Variants in NECAB1 observed in about 807,000 individuals in gnomAD.
NECAB1 encodes the protein N-terminal EF-hand calcium binding protein 1, also known as N-terminal EF-hand calcium-binding protein 1.
In NECAB1, 29 loss-of-function variants were observed where a neutral mutation model predicts 57.5. The ratio of observed to expected loss-of-function variants is 0.50; its 90% CI spans 0.38 to 0.69. The LOEUF (loss-of-function observed/expected upper bound fraction) is 0.69, where lower values mean the gene tolerates loss of function less well. Ranked by LOEUF, NECAB1 falls within the 30% of genes least tolerant of loss-of-function variation. The pLI is 0.00. For synonymous variants in NECAB1, 142 were observed against 147.7 expected (o/e 0.96, Z 0.28); for missense variants, 372 against 413.8 (o/e 0.90, Z 0.88).
chr8:90,820,084 G>C (rs1452473431), intron 2 of NECAB1, among the ~76,000 whole-genome samples: 1 of 151,844 alleles, frequency 6.6e-6, no homozygotes, highest in South Asian at 2.1e-4. Flanking sequence ...CCATTAAAGG[G>C]TCCCTCTCAG....
At chr8:90,931,906 A>AAAAAT (rs10635579) in intron 8 of NECAB1, among the ~76,000 whole-genome samples, 16,101 of 151,448 alleles carry the variant, frequency 0.11, 1,014 homozygotes, top group African/African-American at 0.18. Flanking sequence ...TCCATCTCAA[A>AAAAAT]AAAATAAAAT....
At chr8:90,803,388 A>T (rs899974537) in intron 2 of NECAB1, among the ~76,000 whole-genome samples, 2 of 151,742 alleles carry the variant, frequency 1.3e-5, no homozygotes, top group Admixed American at 1.3e-4. Context: ...CTCCCTCTCC[A>T]CCCAAGCTCC....
chr8:90,809,792 T>G (rs1811920855), intron 2 of NECAB1, among the ~76,000 whole-genome samples: 1 of 152,208 alleles, frequency 6.6e-6, no homozygotes, highest in African/African-American at 2.4e-5. Flanking sequence ...TGTGTTTTTC[T>G]TAATATTCAA....
chr8:90,840,186 G>T (rs990330463), intron 3 of NECAB1, among the ~76,000 whole-genome samples: 2 of 152,188 alleles, frequency 1.3e-5, no homozygotes, highest in African/African-American at 2.4e-5. Context: ...TGAGTTAGAC[G>T]TGACTTGACT....
At chr8:90,811,176 C>G (rs1220223688) in intron 2 of NECAB1, among the ~76,000 whole-genome samples, 1 of 152,136 alleles carries the variant, frequency 6.6e-6, no homozygotes, top group East Asian at 1.9e-4. Flanking sequence ...TGGTCTCGAT[C>G]TCCTGACCTC....
chr8:90,855,217 T>C (rs1812772363), intron 3 of NECAB1, among the ~76,000 whole-genome samples: 1 of 152,172 alleles, frequency 6.6e-6, no homozygotes, highest in African/African-American at 2.4e-5. Context: ...TGATTCCTTA[T>C]ATCCTGATCA....
intron 3 of NECAB1, among the ~76,000 whole-genome samples, chr8:90,871,672 T>C (rs1808624595): frequency 6.6e-6 from 1 of 152,146 alleles, no homozygotes; most frequent in African/African-American, 2.4e-5. Flanking sequence ...TTTGTGCCAA[T>C]TACAGTTCAG....
Position 90,927,820 on chromosome 8 carries a change from G to A in NECAB1, c.617-403G>A, listed in dbSNP as rs769520084. Among the ~76,000 whole-genome samples the A allele has an allele frequency of 1.5e-4, 20 of 136,062 alleles. 1 individual carries two copies. The highest frequency in any genetic ancestry group is 4.6e-4 in the African/African-American group (15 of 32,870). 89.3% of individuals were successfully genotyped at this position (136,062 alleles called of 152,430 possible). On this transcript the variant is annotated intron_variant, in intron 7 of 12. Coordinates refer to ENST00000417640, the MANE Select transcript of NECAB1 (RefSeq NM_022351.5). ...TGCCCTTATGGTTTTTTTTTTTATCGTAGCAATTTACACCTTGCTATGGTC... is the reference window on the plus strand; with the variant it reads ...TGCCCTTATGGTTTTTTTTTTTATCATAGCAATTTACACCTTGCTATGGTC...
chr8:90,824,531 C>T (rs1812193146), intron 2 of NECAB1, among the ~76,000 whole-genome samples, 186 bp from the exon 3 acceptor site: 7 of 151,802 alleles, frequency 4.6e-5, no homozygotes, highest in Admixed American at 3.9e-4. Flanking sequence ...TTAGAGTGTA[C>T]ACATCTGTGT....
intron 5 of NECAB1, among the ~76,000 whole-genome samples, chr8:90,883,890 C>T (rs1285851415): frequency 6.6e-6 from 1 of 152,128 alleles, no homozygotes; most frequent in African/African-American, 2.4e-5. Context: ...AGCTAACTTG[C>T]AGCATTAGTA....
intron 2 of NECAB1, among the ~76,000 whole-genome samples, chr8:90,808,640 CTTTTTTTTT>C (rs200075536): frequency 1.2e-5 from 1 of 81,278 alleles, no homozygotes; most frequent in African/African-American, 5.2e-5. Flanking sequence ...TTTTTCTTTT[CTTTTTTTTT>C]TTTTTTTTTT....
chr8:90,927,100 G>A (rs1396552527), intron 7 of NECAB1, among the ~76,000 whole-genome samples: 1 of 151,228 alleles, frequency 6.6e-6, no homozygotes, highest in South Asian at 2.1e-4. Context: ...AATTATTTTG[G>A]GAATAACCCA....
At chr8:90,803,196 C>T (rs2130645695) in intron 2 of NECAB1, among the ~76,000 whole-genome samples, 1 of 152,250 alleles carries the variant, frequency 6.6e-6, no homozygotes, top group East Asian at 1.9e-4. Context: ...TGCACCCGGC[C>T]CATTTGATTA....
intron 8 of NECAB1, among the ~76,000 whole-genome samples, chr8:90,930,106 A>G (rs1314270548): frequency 6.6e-6 from 1 of 152,186 alleles, no homozygotes; most frequent in Non-Finnish European, 1.5e-5. Flanking sequence ...AATGGGTTAA[A>G]ACAAGAAAAA....
intron 9 of NECAB1, among the ~76,000 whole-genome samples, chr8:90,938,732 T>A (rs1027963055): frequency 6.6e-6 from 1 of 152,202 alleles, no homozygotes; most frequent in East Asian, 1.9e-4. Flanking sequence ...CAACCCAATC[T>A]AGGAAGCCGA....
chr8:90,959,054 A>G lies in NECAB1; in HGVS notation c.*3542A>G. On this transcript the variant is annotated 3_prime_UTR_variant, in exon 13 of 13. Transcript: ENST00000417640. ...TCCTGTAATATAAAAGAAAAAGTTA[A>G]TTTATCAATTGATTGAATACAGTTT... 8.9e-7 allele frequency: 1 copy of G among 1,129,346 alleles called. No homozygotes were observed. The highest frequency in any genetic ancestry group is 1.2e-6 in the Non-Finnish European group (1 of 801,398). The allele number at this position is 1,129,346 out of a possible 1,614,324, so 70.0% of individuals were successfully genotyped here.
intron 2 of NECAB1, among the ~76,000 whole-genome samples, chr8:90,821,378 T>G (rs534073653): frequency 7.9e-5 from 12 of 151,936 alleles, no homozygotes; most frequent in Non-Finnish European, 1.8e-4. Flanking sequence ...TGGGGTAAAT[T>G]AAAATCTCTT....
intron 3 of NECAB1, among the ~76,000 whole-genome samples, chr8:90,833,935 G>T (rs890014689): frequency 3.9e-5 from 6 of 152,072 alleles, no homozygotes; most frequent in African/African-American, 1.4e-4. Context: ...GGCTGAGGCA[G>T]GTGGATCACT....
At chr8:90,834,536 C>T (rs1364834308) in intron 3 of NECAB1, among the ~76,000 whole-genome samples, 1 of 152,134 alleles carries the variant, frequency 6.6e-6, no homozygotes, top group African/African-American at 2.4e-5. Context: ...CCTCATTAAA[C>T]ACCAAATCTG....
Sources: allele counts gnomAD v4.1 joint callset (sites outside exome capture counted in the v4.1 genomes callset), GRCh38; gene constraint gnomAD v4.1.1; transcripts MANE v1.5; gene names NCBI Gene and HGNC (gene_info 2026-07-23, HGNC 2026-07-21).